ADAMTSL3: variants seen among roughly 807,000 people sequenced by gnomAD.
ADAMTSL3 encodes the protein ADAMTS-like protein 3.
Under a neutral mutation model 201.7 loss-of-function variants are expected in ADAMTSL3, and 128 were observed. The observed-to-expected ratio is 0.63, with a 90% CI of 0.55 to 0.73. ADAMTSL3 has a LOEUF of 0.73. ADAMTSL3 is among the 30% of genes least tolerant of loss of function. The pLI is 0.00. For synonymous variants in ADAMTSL3, 738 were observed against 748.4 expected (o/e 0.99, Z 0.23); for missense variants, 1,990 against 2,119.6 (o/e 0.94, Z 1.20).
Position 84,014,598 on chromosome 15 carries a change from G to C in ADAMTSL3, c.4030G>C (p.Val1344Leu). The C allele has an allele frequency of 1.2e-6, 2 of 1,614,064 alleles. No homozygotes were observed. The highest frequency in any genetic ancestry group is 1.7e-6 in the Non-Finnish European group (2 of 1,179,994). ...GAGAGGAGGATCTCTGAGTGGCAAT[G>C]TTTCCTTGCTTTTCAATGGATCCCT... ...LKRGGSLSGN[V>L]SLLFNGSLLL... The change falls in exon 24 of 30, where the codon GTT becomes CTT. Residue 1344 changes from valine (V) to leucine (L), a missense_variant. Transcript: ENST00000286744.
chr15:83,886,307 A>C (rs2065390159), intron 10 of ADAMTSL3, among the ~76,000 whole-genome samples: 1 of 152,216 alleles, frequency 6.6e-6, no homozygotes, highest in African/African-American at 2.4e-5. Flanking sequence ...GCTTCCCCTT[A>C]GAGTACCAGG....
At chr15:83,977,560 G>A (rs933814273) in intron 20 of ADAMTSL3, among the ~76,000 whole-genome samples, 26 of 151,994 alleles carry the variant, frequency 1.7e-4, no homozygotes, top group African/African-American at 6.0e-4. Context: ...AGCCAGCTGG[G>A]TACTGGCAAT....
chr15:84,025,271 G>A lies in ADAMTSL3; in HGVS notation c.4491G>A (p.Val1497=). ...WFTSVWSQCS[V]SCGEGYHSRQ... is the part of the protein sequence containing the mutation. ...CAAGTGTGTGGTCACAGTGCTCTGT[G>A]TCTTGCGGTGAAGGATACCACAGTC... Residue 1497 remains valine (V), a synonymous_variant, in exon 27 of 30, where the codon GTG becomes GTA. Transcript: ENST00000286744. 1.2e-6 allele frequency: 2 copies of A among 1,612,800 alleles called. No homozygotes were observed. Among genetic ancestry groups the A allele is most frequent in the South Asian group, 1.1e-5 (1 of 90,754 alleles).
In ADAMTSL3 at chr15:83,944,250, C is replaced by T. The variant is rs931323981; in HGVS notation, c.2490+1168C>T. ...TAGGGCCTTTCTTGCACTCATGGCT[C>T]TCTTACTCCAGTCCTTATTCTTCTT... On this transcript the variant is annotated intron_variant, in intron 19 of 29. Transcript: ENST00000286744. 3.9e-5 allele frequency among the ~76,000 whole-genome samples: 6 copies of T among 152,212 alleles called. No individual in the cohort carries two copies. In the East Asian group the frequency reaches 7.7e-4, roughly 20 times the overall value.
At chr15:83,823,940 C>CAGACTCCA (rs2063946844) in intron 6 of ADAMTSL3, among the ~76,000 whole-genome samples, 1 of 112,874 alleles carries the variant, frequency 8.9e-6, no homozygotes, top group East Asian at 2.2e-4. Context: ...TCTTCTTCTT[C>CAGACTCCA]TTCTTCTTCT....
At chr15:83,714,911 T>A (rs1021350551) in intron 3 of ADAMTSL3, among the ~76,000 whole-genome samples, 10 of 120,906 alleles carry the variant, frequency 8.3e-5, no homozygotes, top group Non-Finnish European at 1.1e-4. Context: ...CCTTCCTTCC[T>A]TCCTTCCTTC....
chr15:83,883,992 G>C (rs999882023), intron 9 of ADAMTSL3, among the ~76,000 whole-genome samples: 2 of 151,032 alleles, frequency 1.3e-5, no homozygotes, highest in African/African-American at 4.9e-5. Flanking sequence ...TCCCGGGTTC[G>C]AGCTATTCTC....
In ADAMTSL3 at chr15:83,942,996, T is replaced by C. The variant is rs373953855; in HGVS notation, c.2404T>C (p.Leu802=). The change falls in exon 19 of 30, where the codon TTG becomes CTG. Residue 802 remains leucine (L), a synonymous_variant. Transcript: ENST00000286744. ...DGSFLNLSDE[L]CQGPKASSHK... is the part of the protein sequence containing the mutation. ...CAGCTTTTTGAATCTCTCAGATGAA[T>C]TGTGCCAAGGACCCAAGGCATCGTC... 44 of 1,613,934 alleles carry C rather than the reference T, an allele frequency of 2.7e-5. No individual in the cohort carries two copies. The highest frequency in any genetic ancestry group is 6.7e-5 in the East Asian group (3 of 44,870).
intron 27 of ADAMTSL3, among the ~76,000 whole-genome samples, chr15:84,027,865 T>C (rs1417150615): frequency 1.3e-5 from 2 of 151,782 alleles, no homozygotes; most frequent in African/African-American, 4.8e-5. Context: ...AAACAATTGG[T>C]GAGTAGATGA....
intron 4 of ADAMTSL3, among the ~76,000 whole-genome samples, chr15:83,798,414 T>C (rs1172230420): frequency 2.0e-5 from 3 of 152,166 alleles, no homozygotes; most frequent in African/African-American, 7.2e-5. Context: ...TTCTGTGGTG[T>C]TTCAGAAGTA....
At chr15:83,963,731 G>A (rs2142101232) in intron 19 of ADAMTSL3, among the ~76,000 whole-genome samples, 1 of 152,298 alleles carries the variant, frequency 6.6e-6, no homozygotes, top group African/African-American at 2.4e-5. Flanking sequence ...TCTCAGTAGG[G>A]GCTGACAGAC....
chr15:83,774,577 G>A (rs2063039971), intron 4 of ADAMTSL3, among the ~76,000 whole-genome samples: 1 of 152,164 alleles, frequency 6.6e-6, no homozygotes, highest in Non-Finnish European at 1.5e-5. Context: ...GGTTGCTGGA[G>A]GTACTGTGGT....
chr15:83,697,206 C>G (rs141696649), intron 2 of ADAMTSL3, among the ~76,000 whole-genome samples: 110 of 152,314 alleles, frequency 7.2e-4, no homozygotes, highest in African/African-American at 2.6e-3. Context: ...CTGCTTCTCT[C>G]TCTTCCCATT....
At chr15:83,693,733 T>G (rs2061643289) in intron 2 of ADAMTSL3, among the ~76,000 whole-genome samples, 1 of 152,220 alleles carries the variant, frequency 6.6e-6, no homozygotes, top group Non-Finnish European at 1.5e-5. Context: ...TTATGTTTAT[T>G]TCTGCTTCCC....
intron 9 of ADAMTSL3, among the ~76,000 whole-genome samples, chr15:83,878,670 G>A (rs1323853916): frequency 2.0e-5 from 3 of 152,056 alleles, no homozygotes; most frequent in Non-Finnish European, 2.9e-5. Flanking sequence ...TTGTTAAAAG[G>A]TGTATCCTTT....
chr15:83,992,956 A>G (rs1382525587), intron 23 of ADAMTSL3, among the ~76,000 whole-genome samples: 2 of 152,156 alleles, frequency 1.3e-5, no homozygotes, highest in African/African-American at 4.8e-5. Context: ...TCTTACTAGG[A>G]ATTGTCCCAT....
At chr15:83,978,604 A>G (rs2067329961) in intron 20 of ADAMTSL3, among the ~76,000 whole-genome samples, 1 of 152,168 alleles carries the variant, frequency 6.6e-6, no homozygotes, top group African/African-American at 2.4e-5. Context: ...TGATGATGCC[A>G]CGTTCCAGGC....
chr15:83,678,825 A>AAT (rs1472907150), intron 2 of ADAMTSL3, among the ~76,000 whole-genome samples: 1 of 144,406 alleles, frequency 6.9e-6, no homozygotes, highest in African/African-American at 2.5e-5. Context: ...ATAAAATATA[A>AAT]ATATATATAA....
chr15:83,792,377 CA>C (rs1014001029), intron 4 of ADAMTSL3, among the ~76,000 whole-genome samples: 2 of 152,056 alleles, frequency 1.3e-5, no homozygotes, highest in African/African-American at 4.8e-5. Flanking sequence ...ATTAAAAAAA[CA>C]AAAGACAACA....
Sources: allele counts gnomAD v4.1 joint callset (sites outside exome capture counted in the v4.1 genomes callset), GRCh38; gene constraint gnomAD v4.1.1; transcripts MANE v1.5; gene names NCBI Gene and HGNC (gene_info 2026-07-23, HGNC 2026-07-21).